The following ADGB variants were observed in gnomAD, a reference collection of about 807,000 sequenced individuals.
ADGB encodes the protein calpain-7-like protein.
In ADGB, 172 loss-of-function variants were observed where a neutral mutation model predicts 210.5. That is an observed-to-expected ratio of 0.82 (90% confidence interval 0.72 to 0.93). ADGB has a LOEUF of 0.93. ADGB is among the 40% of genes least tolerant of loss of function. The probability of loss-of-function intolerance (pLI) is 0.00; values close to 1 mark genes in which losing one functional copy is unlikely to be tolerated. For synonymous variants in ADGB, 658 were observed against 662.7 expected (o/e 0.99, Z 0.11); for missense variants, 2,025 against 1,964.8 (o/e 1.03, Z -0.58).
chr6:146,730,785 A>G (rs1056431658), intron 20 of ADGB, among the ~76,000 whole-genome samples: 3 of 152,138 alleles, frequency 2.0e-5, no homozygotes, highest in African/African-American at 7.2e-5. Flanking sequence ...CTAAAGATAG[A>G]AAAATTAGCC....
At chr6:146,731,317 G>A (rs1350393375) in intron 20 of ADGB, among the ~76,000 whole-genome samples, 2 of 149,920 alleles carry the variant, frequency 1.3e-5, no homozygotes, top group Non-Finnish European at 3.0e-5. Flanking sequence ...TGGTCACAAG[G>A]TCTAAAATTA....
intron 12 of ADGB, 87 bp downstream of exon 12, chr6:146,693,002 C>T: frequency 1.5e-6 from 1 of 685,148 alleles, no homozygotes. Context: ...CAAATGGGAG[C>T]ATTTTGAAGA....
chr6:146,707,391 A>AT (rs768588910), intron 13 of ADGB, among the ~76,000 whole-genome samples: 32 of 152,080 alleles, frequency 2.1e-4, no homozygotes, highest in East Asian at 9.7e-4. Flanking sequence ...TTTTCTTTTG[A>AT]TTTTTTGTCT....
chr6:146,678,187 AC>A lies in ADGB; in HGVS notation c.1216+1747del, dbSNP rs560996725. On this transcript the variant is annotated intron_variant, in intron 9 of 35. Transcript: ENST00000397944. The stretch of plus-strand genomic sequence containing the variant: ...AAGAGGTAATTGAGTGACAATTCAA[AC>A]TCATATGGAAAATATAACATGACAT... Among the ~76,000 whole-genome samples the A allele has an allele frequency of 3.7e-4, 56 of 152,122 alleles. No individual in the cohort carries two copies. In the East Asian group the frequency reaches 7.2e-3, roughly 19 times the overall value.
chr6:146,776,908 C>G (rs1583633955), intron 29 of ADGB, among the ~76,000 whole-genome samples: 1 of 151,750 alleles, frequency 6.6e-6, no homozygotes, highest in African/African-American at 2.4e-5. Flanking sequence ...AAAAGTTAAC[C>G]TATTTAGCAG....
chr6:146,730,886 C>T (rs1245755399), intron 20 of ADGB, among the ~76,000 whole-genome samples: 2 of 152,098 alleles, frequency 1.3e-5, no homozygotes, highest in African/African-American at 4.8e-5. Flanking sequence ...TTGCAGTAAG[C>T]TGAGATCACG....
intron 3 of ADGB, among the ~76,000 whole-genome samples, chr6:146,652,707 A>G (rs897701851): frequency 8.5e-5 from 13 of 152,156 alleles, no homozygotes; most frequent in Admixed American, 6.6e-5. Context: ...ATTAACTTGA[A>G]CAAGATTTTA....
At chr6:146,782,541 G>A (rs2114644533) in intron 30 of ADGB, among the ~76,000 whole-genome samples, 1 of 152,270 alleles carries the variant, frequency 6.6e-6, no homozygotes, top group African/African-American at 2.4e-5. Flanking sequence ...TATGTGCAGT[G>A]GTAGAAAGGA....
At position 146,611,287 on chromosome 6, in the gene ADGB, C is replaced by T. The variant is rs1185975937; in HGVS notation, c.74+12173C>T. On this transcript the variant is annotated intron_variant, in intron 1 of 35. Transcript: ENST00000397944. ...GGAGGTGCTCAGATTAGATTGTTCC[C>T]ATTCCATGGGTAACATAACCTTGTT... Among the ~76,000 whole-genome samples the T allele has an allele frequency of 2.0e-5, 3 of 151,990 alleles. No individual in the cohort carries two copies. In the East Asian group the frequency reaches 5.8e-4, roughly 29 times the overall value.
Position 146,635,398 on chromosome 6 carries a change from T to C in ADGB, c.98T>C (p.Val33Ala), listed in dbSNP as rs1010054694. 5.8e-6 allele frequency: 9 copies of C among 1,541,250 alleles called. No individual in the cohort carries two copies. The highest frequency in any genetic ancestry group is 1.7e-4 in the Middle Eastern group (1 of 5,950). ...AGTTTCTATCCTTTTGGCAGTAATGTACAATCTGGTTCTACTGAACAAAAG... is the reference window on the plus strand; with the variant it reads ...AGTTTCTATCCTTTTGGCAGTAATGCACAATCTGGTTCTACTGAACAAAAG... ...SKDFYPFGSN[V>A]QSGSTEQKKG... Residue 33 changes from valine to alanine, a missense_variant, in exon 2 of 36, where the codon GTA becomes GCA. Val to Ala is a moderately conservative substitution (Grantham distance 64). Transcript: ENST00000397944.
intron 13 of ADGB, among the ~76,000 whole-genome samples, chr6:146,712,055 A>C (rs1776665301): frequency 1.7e-5 from 1 of 57,258 alleles, no homozygotes; most frequent in Non-Finnish European, 5.4e-5. Flanking sequence ...AGATCCTGTC[A>C]AAAAAAAAAA....
intron 33 of ADGB, among the ~76,000 whole-genome samples, chr6:146,799,125 G>A (rs1404887647): frequency 6.6e-6 from 1 of 150,728 alleles, no homozygotes; most frequent in Non-Finnish European, 1.5e-5. Context: ...AAGTGGGAGG[G>A]GAACTTACTC....
chr6:146,706,243 T>C (rs1374918313), intron 13 of ADGB, among the ~76,000 whole-genome samples: 25 of 151,512 alleles, frequency 1.7e-4, no homozygotes. Flanking sequence ...TTTTTTGTTT[T>C]TTTTTTCTTT....
intron 12 of ADGB, among the ~76,000 whole-genome samples, chr6:146,694,464 T>A (rs1387315478): frequency 1.3e-5 from 2 of 152,156 alleles, no homozygotes; most frequent in East Asian, 3.9e-4. Context: ...CCCAAAGGCC[T>A]CACCTCTTAA....
At position 146,646,378 on chromosome 6, in the gene ADGB, G is replaced by A. The variant is rs1289702306; in HGVS notation, c.330+1513G>A. 2.0e-5 allele frequency among the ~76,000 whole-genome samples: 3 copies of A among 152,140 alleles called. No individual in the cohort carries two copies. The East Asian group carries it at 5.8e-4, about 29-fold the overall frequency. ...ACTTACAGCCAATTAACCGTTTTAAGCAAGATAGGAATAGAGGTAGACAGG... is the reference window on the plus strand; with the variant it reads ...ACTTACAGCCAATTAACCGTTTTAAACAAGATAGGAATAGAGGTAGACAGG... On this transcript the variant is annotated intron_variant, in intron 3 of 35. Transcript: ENST00000397944.
intron 2 of ADGB, among the ~76,000 whole-genome samples, chr6:146,637,076 A>G (rs924376441): frequency 6.6e-6 from 1 of 152,044 alleles, no homozygotes; most frequent in African/African-American, 2.4e-5. Context: ...GACACTGATA[A>G]GAAAAATAAT....
At chr6:146,774,296 T>C (rs1224337430) in intron 29 of ADGB, among the ~76,000 whole-genome samples, 1 of 152,178 alleles carries the variant, frequency 6.6e-6, no homozygotes, top group Non-Finnish European at 1.5e-5. Flanking sequence ...TGTAAATATG[T>C]AGAATTGGGT....
At chr6:146,723,563 C>T (rs901786532) in intron 17 of ADGB, among the ~76,000 whole-genome samples, 6 of 151,918 alleles carry the variant, frequency 3.9e-5, no homozygotes, top group African/African-American at 1.5e-4. Context: ...ATGGTGAAAC[C>T]CTGTCTCTAC....
chr6:146,781,827 A>T (rs1162188483), intron 29 of ADGB, among the ~76,000 whole-genome samples, 193 bp from the exon 30 acceptor site: 1 of 152,202 alleles, frequency 6.6e-6, no homozygotes, highest in Non-Finnish European at 1.5e-5. Context: ...CTCAATGGTG[A>T]GTGTTTGGTA....
Sources: allele counts gnomAD v4.1 joint callset (sites outside exome capture counted in the v4.1 genomes callset), GRCh38; gene constraint gnomAD v4.1.1; transcripts MANE v1.5; gene names NCBI Gene and HGNC (gene_info 2026-07-23, HGNC 2026-07-21).